Variants in BTAF1 observed in about 807,000 individuals in gnomAD.
BTAF1 encodes the protein B-TFIID TATA-box binding protein associated factor 1, also known as TATA-binding protein-associated factor 172.
Under a neutral mutation model 227.1 loss-of-function variants are expected in BTAF1, and 38 were observed. The observed-to-expected ratio is 0.17, with a 90% CI of 0.13 to 0.22. BTAF1 has a LOEUF of 0.22. BTAF1 is among the 10% of genes least tolerant of loss of function. The pLI is 1.00. For missense variants in BTAF1, 1,598 were observed against 2,204.0 expected, an observed-to-expected ratio of 0.73 and a Z score of 5.51; for synonymous variants, 742 against 751.9, an observed-to-expected ratio of 0.99 and a Z score of 0.21.
intron 13 of BTAF1, among the ~76,000 whole-genome samples, chr10:91,964,784 G>C (rs1484234778): frequency 1.3e-5 from 2 of 152,116 alleles, no homozygotes; most frequent in East Asian, 3.8e-4. Flanking sequence ...TCAGCTCAGC[G>C]AATTAACATA....
Position 91,935,553 on chromosome 10 carries a change from C to T in BTAF1, c.15-104C>T, listed in dbSNP as rs72823185. 0.15 allele frequency: 183,689 copies of T among 1,235,778 alleles called. 15,186 individuals carry two copies. The highest frequency in any genetic ancestry group is 0.19 in the Middle Eastern group (810 of 4,284). The allele number at this position is 1,235,778 out of a possible 1,614,324, so 76.6% of individuals were successfully genotyped here. On this transcript the variant is annotated intron_variant, in intron 1 of 37. Transcript: ENST00000265990. ...TCTTTCCGGGGCTCATTTATGTTAG[C>T]GTAGGTCTTCATTCATAGCATCTGC...
At chr10:91,982,268 C>T (rs1848117747) in intron 17 of BTAF1, 43 bp downstream of exon 17, 1 of 1,612,480 alleles carries the variant, frequency 6.2e-7, no homozygotes, top group African/African-American at 1.3e-5. Flanking sequence ...ATTTACAAGT[C>T]TGGCTTTCAA....
chr10:91,962,376 C>CA (rs1020475051), intron 11 of BTAF1, among the ~76,000 whole-genome samples, 162 bp from the exon 12 acceptor site: 1 of 152,158 alleles, frequency 6.6e-6, no homozygotes, highest in African/African-American at 2.4e-5. Flanking sequence ...CACAGAATGA[C>CA]AGAATTGCCT....
chr10:91,998,000 G>A (rs1334055751), intron 25 of BTAF1, among the ~76,000 whole-genome samples: 1 of 151,854 alleles, frequency 6.6e-6, no homozygotes, highest in Non-Finnish European at 1.5e-5. Context: ...GGTGGTGTGT[G>A]CCTGTAGTCT....
intron 2 of BTAF1, among the ~76,000 whole-genome samples, chr10:91,936,938 CT>C (rs1240106025): frequency 6.6e-6 from 1 of 152,116 alleles, no homozygotes; most frequent in Admixed American, 6.6e-5. Context: ...CGAAGTTTGC[CT>C]TTAGCACTGT....
chr10:91,925,026 C>T (rs1267706593), intron 1 of BTAF1, among the ~76,000 whole-genome samples: 1 of 151,976 alleles, frequency 6.6e-6, no homozygotes, highest in African/African-American at 2.4e-5. Flanking sequence ...ATTAACTGAA[C>T]ACATTCTTTG....
chr10:91,989,086 T>C, intron 19 of BTAF1, 68 bp from the exon 20 acceptor site: 1 of 1,369,344 alleles, frequency 7.3e-7, no homozygotes, highest in Non-Finnish European at 9.8e-7. Flanking sequence ...CTGTCTACCC[T>C]TTAGGAGCTT....
chr10:92,000,843 C>A (rs1048815048), intron 25 of BTAF1, among the ~76,000 whole-genome samples: 3 of 152,104 alleles, frequency 2.0e-5, no homozygotes, highest in Non-Finnish European at 4.4e-5. Flanking sequence ...CATGAGCCAC[C>A]CGGTTTGTTT....
At chr10:92,014,400 T>TA (rs1380397839) in intron 32 of BTAF1, among the ~76,000 whole-genome samples, 1 of 152,054 alleles carries the variant, frequency 6.6e-6, no homozygotes, top group Non-Finnish European at 1.5e-5. Flanking sequence ...GCTAATTTTT[T>TA]AAGTTTTGTA....
intron 23 of BTAF1, among the ~76,000 whole-genome samples, 155 bp from the exon 24 acceptor site, chr10:91,996,214 A>G (rs1307693266): frequency 6.6e-6 from 1 of 152,070 alleles, no homozygotes. Flanking sequence ...TTAGTTTTCT[A>G]TTGAGAATGT....
At chr10:91,937,145 C>A (rs1220760781) in intron 2 of BTAF1, among the ~76,000 whole-genome samples, 1 of 151,866 alleles carries the variant, frequency 6.6e-6, no homozygotes, top group Non-Finnish European at 1.5e-5. Flanking sequence ...CAGGCGTGCA[C>A]CACCATGCCC....
intron 1 of BTAF1, among the ~76,000 whole-genome samples, chr10:91,934,213 T>A (rs1397382457): frequency 6.6e-6 from 1 of 152,302 alleles, no homozygotes; most frequent in Non-Finnish European, 1.5e-5. Flanking sequence ...AGGTCTTAGA[T>A]TTAAGACTTT....
intron 7 of BTAF1, 49 bp downstream of exon 7, chr10:91,956,706 T>G: frequency 6.3e-7 from 1 of 1,580,704 alleles, no homozygotes; most frequent in Non-Finnish European, 8.6e-7. Context: ...TTATAATCTT[T>G]GGGCCAGCAG....
intron 5 of BTAF1, 77 bp downstream of exon 5, chr10:91,951,643 T>C (rs1233633549): frequency 1.4e-6 from 2 of 1,433,688 alleles, no homozygotes; most frequent in East Asian, 2.4e-5. Flanking sequence ...GTAATTATAG[T>C]TTAAGAAAAT....
chr10:91,952,623 C>T (rs953593835), intron 5 of BTAF1, among the ~76,000 whole-genome samples: 2 of 152,050 alleles, frequency 1.3e-5, no homozygotes, highest in Non-Finnish European at 2.9e-5. Context: ...ATACGAATGG[C>T]ACTTTAAACC....
intron 4 of BTAF1, among the ~76,000 whole-genome samples, chr10:91,949,001 T>C (rs1845573105): frequency 6.6e-6 from 1 of 152,194 alleles, no homozygotes; most frequent in African/African-American, 2.4e-5. Flanking sequence ...AGCGTTGTTA[T>C]ATTAGTTGCT....
intron 37 of BTAF1, among the ~76,000 whole-genome samples, chr10:92,027,924 TA>T (rs769043943): frequency 3.3e-5 from 5 of 152,168 alleles, no homozygotes; most frequent in Non-Finnish European, 5.9e-5. Flanking sequence ...ATATGATGAT[TA>T]AAACTAGCTG....
intron 25 of BTAF1, among the ~76,000 whole-genome samples, chr10:92,007,055 T>A (rs552760576): frequency 1.4e-4 from 21 of 151,754 alleles, no homozygotes; most frequent in East Asian, 7.7e-4. Context: ...TTTTTTTTTT[T>A]AAAATGGCTA....
chr10:91,933,268 G>T (rs537259048), intron 1 of BTAF1, among the ~76,000 whole-genome samples: 1 of 152,292 alleles, frequency 6.6e-6, no homozygotes, highest in South Asian at 2.1e-4. Context: ...TTTAAAGTAA[G>T]GTAGTGATTT....
Sources: allele counts gnomAD v4.1 joint callset (sites outside exome capture counted in the v4.1 genomes callset), GRCh38; gene constraint gnomAD v4.1.1; transcripts MANE v1.5; gene names NCBI Gene and HGNC (gene_info 2026-07-23, HGNC 2026-07-21).